The following NBPF15 variants were observed in gnomAD, a reference collection of about 807,000 sequenced individuals.
The protein encoded by NBPF15 is NBPF family member NBPF15.
Under a neutral mutation model 62.2 loss-of-function variants are expected in NBPF15, and 74 were observed. The ratio of observed to expected loss-of-function variants is 1.19; its 90% CI spans 0.99 to 1.44. The LOEUF is 1.44. Ranked by LOEUF, NBPF15 falls within the 40% of genes most tolerant of loss-of-function variation. The pLI is 0.00. For synonymous variants in NBPF15, 244 were observed against 209.7 expected (o/e 1.16, Z -1.41); for missense variants, 790 against 550.0 (o/e 1.44, Z -4.36).
intron 6 of NBPF15, among the ~76,000 whole-genome samples, chr1:144,444,302 A>G (rs1685674941): frequency 6.6e-6 from 1 of 150,636 alleles, no homozygotes; most frequent in Admixed American, 6.6e-5. Flanking sequence ...GCCCTTATAC[A>G]AAGGCTGGAA....
intron 4 of NBPF15, among the ~76,000 whole-genome samples, chr1:144,454,961 T>C (rs1693461200): frequency 6.6e-6 from 1 of 151,294 alleles, no homozygotes; most frequent in African/African-American, 2.4e-5. Flanking sequence ...GTAAGTAATG[T>C]AGATTTCAGT....
intron 14 of NBPF15, 42 bp downstream of exon 14, chr1:144,429,658 C>T (rs1553539935): frequency 6.7e-6 from 4 of 598,336 alleles, no homozygotes; most frequent in East Asian, 5.6e-5. Context: ...TCTACCTGGG[C>T]CATGAACTGG....
At position 144,423,181 on chromosome 1, in the gene NBPF15, C is replaced by T. The variant is rs782690402; in HGVS notation, c.1845G>A (p.Pro615=). 47 of 1,611,522 alleles carry T rather than the reference C, an allele frequency of 2.9e-5. No homozygotes were observed. The highest frequency in any genetic ancestry group is 1.6e-4 in the East Asian group (7 of 44,856). Residue 615 remains proline, a synonymous_variant, in exon 22 of 22, where the codon CCG becomes CCA. Transcript: ENST00000581897. ...QDSLDRCYST[P]SMYFEQPDSF... ...AGTCAGGTTGTTCAAAGTACATTGA[C>T]GGAGTCGAATAACATCTATCCAGTG...
chr1:144,440,834 T>C (rs1366379550), intron 6 of NBPF15, among the ~76,000 whole-genome samples: 1 of 151,208 alleles, frequency 6.6e-6, no homozygotes, highest in African/African-American at 2.4e-5. Flanking sequence ...TCTTTTTCTT[T>C]TTTTTTTTGT....
In NBPF15 at chr1:144,452,293, C is replaced by T. The variant is rs1216828362; in HGVS notation, c.-431-1423G>A. On this transcript the variant is annotated intron_variant, in intron 4 of 21. Transcript: ENST00000581897. Reference sequence around the variant, plus strand: ...CCAGACAAGGTTTGGTAAAAAATACCAGTCACCAGCACAGATGAACCAATT... The same window carrying T: ...CCAGACAAGGTTTGGTAAAAAATACTAGTCACCAGCACAGATGAACCAATT... Among the ~76,000 whole-genome samples, 28 of 151,822 alleles carry T rather than the reference C, an allele frequency of 1.8e-4. 1 individual carries two copies. The highest frequency in any genetic ancestry group is 6.5e-4 in the African/African-American group (27 of 41,326).
Position 144,431,974 on chromosome 1 carries a change from G to A in NBPF15, c.824+1799C>T, listed in dbSNP as rs1452632939. ...ACATATGTGTGCATGTGTCTTTACA[G>A]CAGCATGATTTATAATCATTTGGGT... On this transcript the variant is annotated intron_variant, in intron 13 of 21. Transcript: ENST00000581897. Among the ~76,000 whole-genome samples, 115 of 150,960 alleles carry A rather than the reference G, an allele frequency of 7.6e-4. 3 individuals carry two copies. Among genetic ancestry groups the A allele is most frequent in the Non-Finnish European group, 9.6e-4 (65 of 67,716 alleles).
chr1:144,455,187 G>A (rs587625201), intron 4 of NBPF15, among the ~76,000 whole-genome samples: 1 of 146,040 alleles, frequency 6.8e-6, no homozygotes, highest in Admixed American at 6.9e-5. Flanking sequence ...AAGGGAGGAA[G>A]AAAGGAAGGG....
chr1:144,423,448 A>G (rs1667214108), intron 21 of NBPF15, among the ~76,000 whole-genome samples, 192 bp from the exon 22 acceptor site: 1 of 151,806 alleles, frequency 6.6e-6, no homozygotes, highest in Non-Finnish European at 1.5e-5. Flanking sequence ...AATGAAAGAG[A>G]AAGACAGAGA....
At chr1:144,444,211 C>T (rs1571146194) in intron 6 of NBPF15, among the ~76,000 whole-genome samples, 1 of 149,808 alleles carries the variant, frequency 6.7e-6, no homozygotes. Flanking sequence ...CTCACTAACA[C>T]AGGCCTCCGT....
At chr1:144,428,327 A>G (rs1671484783) in intron 15 of NBPF15, among the ~76,000 whole-genome samples, 1 of 151,892 alleles carries the variant, frequency 6.6e-6, no homozygotes, top group Non-Finnish European at 1.5e-5. Context: ...CATGTCCTCA[A>G]TAATTTTGCA....
At chr1:144,424,324 A>G (rs1383885381) in intron 20 of NBPF15, among the ~76,000 whole-genome samples, 2 of 151,448 alleles carry the variant, frequency 1.3e-5, no homozygotes, top group Non-Finnish European at 2.9e-5. Flanking sequence ...CTCATCAAAT[A>G]CTCAGATTGT....
At chr1:144,450,446 C>G (rs1177499524) in intron 5 of NBPF15, among the ~76,000 whole-genome samples, 1 of 151,946 alleles carries the variant, frequency 6.6e-6, no homozygotes, top group African/African-American at 2.4e-5. Context: ...CCTCAGCCCC[C>G]CACAAACAAG....
intron 16 of NBPF15, among the ~76,000 whole-genome samples, 165 bp downstream of exon 16, chr1:144,427,653 C>A (rs1399321571): frequency 6.8e-6 from 1 of 146,050 alleles, no homozygotes; most frequent in Non-Finnish European, 1.5e-5. Flanking sequence ...CATCCCTTGT[C>A]TGGGCTTCCA....
intron 19 of NBPF15, among the ~76,000 whole-genome samples, 168 bp from the exon 20 acceptor site, chr1:144,425,030 T>A: frequency 2.0e-5 from 2 of 102,118 alleles, no homozygotes; most frequent in African/African-American, 4.4e-5. Flanking sequence ...CAGGGCCAAA[T>A]GGAAAAGAAT....
intron 18 of NBPF15, 35 bp downstream of exon 18, chr1:144,426,243 G>A (rs1411324391): frequency 7.0e-6 from 4 of 569,726 alleles, no homozygotes; most frequent in African/African-American, 2.4e-5. Flanking sequence ...GGAAGACCAG[G>A]TGGAGGCTTA....
intron 8 of NBPF15, among the ~76,000 whole-genome samples, chr1:144,438,981 A>ATTAT (rs1680822373): frequency 6.6e-6 from 1 of 151,400 alleles, no homozygotes; most frequent in Admixed American, 6.6e-5. Context: ...ATTTTTATTT[A>ATTAT]TCATTATTAT....
intron 12 of NBPF15, among the ~76,000 whole-genome samples, chr1:144,434,588 C>T (rs1420045877): frequency 8.1e-5 from 12 of 148,678 alleles, no homozygotes; most frequent in African/African-American, 2.5e-4. Flanking sequence ...CAGGGTCCAG[C>T]CTTGCTTTAT....
At chr1:144,442,228 TTAA>T (rs1393748038) in intron 6 of NBPF15, among the ~76,000 whole-genome samples, 26 of 113,918 alleles carry the variant, frequency 2.3e-4, no homozygotes, top group African/African-American at 6.1e-4. Flanking sequence ...AATATATATA[TTAA>T]TAATATATAT....
At chr1:144,426,752 C>T (rs587601341) in intron 17 of NBPF15, among the ~76,000 whole-genome samples, 23 of 151,682 alleles carry the variant, frequency 1.5e-4, no homozygotes, top group Admixed American at 3.3e-4. Flanking sequence ...GGACACACAA[C>T]GAACAGTGGT....
Sources: gnomAD v4.1 joint callset for allele counts (sites outside exome capture counted in the v4.1 genomes callset) on GRCh38, gnomAD v4.1.1 for gene constraint, MANE v1.5 for transcripts, NCBI Gene and HGNC (gene_info 2026-07-23, HGNC 2026-07-21) for gene names.